The following ATP13A4 variants were observed in gnomAD, a reference collection of about 807,000 sequenced individuals.
ATP13A4 encodes probable cation-transporting ATPase 13A4.
In ATP13A4, 114 loss-of-function variants were observed where a neutral mutation model predicts 142.5. The observed-to-expected ratio is 0.80, with a 90% confidence interval of 0.69 to 0.93. ATP13A4 has a LOEUF of 0.93. Among genes scored for constraint, ATP13A4 ranks in the 40% least tolerant of loss-of-function variants. The pLI, the probability that ATP13A4 is intolerant of heterozygous loss-of-function variation, is 0.00. For missense variants in ATP13A4, 1,392 were observed against 1,454.0 expected, an observed-to-expected ratio of 0.96 and a Z score of 0.69; for synonymous variants, 488 against 514.8, an observed-to-expected ratio of 0.95 and a Z score of 0.70.
At chr3:193,539,666 C>T (rs1722776943) in intron 1 of ATP13A4, among the ~76,000 whole-genome samples, 1 of 152,186 alleles carries the variant, frequency 6.6e-6, no homozygotes, top group Non-Finnish European at 1.5e-5. Context: ...GATGGGGTTG[C>T]ACATACCTGC....
At chr3:193,452,765 GA>G (rs2108632372) in intron 17 of ATP13A4, among the ~76,000 whole-genome samples, 1 of 137,822 alleles carries the variant, frequency 7.3e-6, no homozygotes, top group Non-Finnish European at 1.5e-5. Flanking sequence ...TATTATTATA[GA>G]ATATACTGTA....
chr3:193,517,857 T>G (rs973699130), intron 1 of ATP13A4, among the ~76,000 whole-genome samples: 1 of 152,186 alleles, frequency 6.6e-6, no homozygotes, highest in East Asian at 1.9e-4. Context: ...TCCTTGCCTC[T>G]GTACAGTTTC....
chr3:193,479,029 T>A (rs1376012931), intron 8 of ATP13A4, among the ~76,000 whole-genome samples: 1 of 152,154 alleles, frequency 6.6e-6, no homozygotes, highest in African/African-American at 2.4e-5. Flanking sequence ...CATGATTATC[T>A]CAATAGATGC....
chr3:193,529,890 A>G (rs747362132), intron 1 of ATP13A4, among the ~76,000 whole-genome samples: 34 of 152,184 alleles, frequency 2.2e-4, no homozygotes, highest in Non-Finnish European at 4.7e-4. Flanking sequence ...TTTTCATATA[A>G]TAGCACCCAT....
rs557564824 is a variant in ATP13A4 at position 193,404,870 on chromosome 3, G to A, written c.3379-2006C>T. ...TGAGACATTTCTTTAAAAAAATTTC[G>A]CCACATGAGCGCTTCTGACTGGCTA... On this transcript the variant is annotated intron_variant, in intron 29 of 29. Transcript: ENST00000342695. 7.2e-5 allele frequency among the ~76,000 whole-genome samples: 11 copies of A among 152,142 alleles called. No homozygotes were observed. The South Asian group carries it at 1.5e-3, about 20-fold the overall frequency.
chr3:193,427,466 G>A (rs1241081247), intron 25 of ATP13A4, among the ~76,000 whole-genome samples: 1 of 152,114 alleles, frequency 6.6e-6, no homozygotes, highest in East Asian at 1.9e-4. Flanking sequence ...AAGTTCATAT[G>A]TAACCAAAAA....
chr3:193,536,621 T>C (rs1295815363), intron 1 of ATP13A4, among the ~76,000 whole-genome samples: 7 of 152,030 alleles, frequency 4.6e-5, no homozygotes, highest in Admixed American at 1.3e-4. Context: ...TTACTCAACA[T>C]TGTTCTAGAA....
chr3:193,453,999 C>A, intron 17 of ATP13A4, 102 bp downstream of exon 17: 2 of 983,760 alleles, frequency 2.0e-6, no homozygotes, highest in Non-Finnish European at 3.2e-6. Context: ...CTGTCCACCA[C>A]CCAGAACCCC....
chr3:193,587,979 A>G (rs548585920), intron 1 of ATP13A4, among the ~76,000 whole-genome samples: 139 of 151,448 alleles, frequency 9.2e-4, no homozygotes, highest in African/African-American at 3.1e-3. Flanking sequence ...ATATATATTT[A>G]AAAATTAGCC....
intron 2 of ATP13A4, among the ~76,000 whole-genome samples, chr3:193,573,301 A>ACT (rs1724322453): frequency 2.5e-5 from 2 of 78,984 alleles, no homozygotes; most frequent in South Asian, 4.2e-4. Context: ...ACATATATAT[A>ACT]TATATACATA....
chr3:193,545,729 G>A (rs182149989), intron 1 of ATP13A4, among the ~76,000 whole-genome samples: 121 of 152,238 alleles, frequency 7.9e-4, no homozygotes, highest in African/African-American at 2.8e-3. Flanking sequence ...CCATGGGCCT[G>A]AGGACCCTAT....
At chr3:193,462,005 T>C (rs1157375337) in intron 13 of ATP13A4, among the ~76,000 whole-genome samples, 2 of 152,152 alleles carry the variant, frequency 1.3e-5, no homozygotes, top group Non-Finnish European at 2.9e-5. Context: ...ACGGATCACC[T>C]GAGGTCAGGA....
chr3:193,407,245 C>T (rs1714542444), intron 29 of ATP13A4, 68 bp downstream of exon 29: 4 of 1,430,988 alleles, frequency 2.8e-6, no homozygotes, highest in South Asian at 2.3e-5. Flanking sequence ...TTCAGAGTCC[C>T]AAAGAAGTCC....
rs146936309 is a variant in ATP13A4 at position 193,488,523 on chromosome 3, GA to G, written c.738+1206del. 2.4e-3 allele frequency among the ~76,000 whole-genome samples: 362 copies of G among 151,880 alleles called. 2 individuals are homozygous for G. The highest frequency in any genetic ancestry group is 5.0e-3 in the South Asian group (24 of 4,798). ...GCCATATATTGCCCTTTCTGTTAAG[GA>G]AAAAAACAGCTAATTTTAAAAGAAC... On this transcript the variant is annotated intron_variant, in intron 7 of 29. Coordinates refer to ENST00000342695, the MANE Select transcript of ATP13A4 (RefSeq NM_032279.4).
chr3:193,403,742 AT>A, intron 29 of ATP13A4: 1 of 982,234 alleles, frequency 1.0e-6, no homozygotes, highest in Non-Finnish European at 1.2e-6. Context: ...TATCATATTA[AT>A]TTTCCACTTT....
At chr3:193,586,223 C>G (rs908527813) in intron 1 of ATP13A4, among the ~76,000 whole-genome samples, 21 of 152,010 alleles carry the variant, frequency 1.4e-4, no homozygotes, top group Non-Finnish European at 2.5e-4. Context: ...CCTATATATC[C>G]TGAATATAAA....
At chr3:193,457,965 G>C (rs1717733797) in intron 14 of ATP13A4, among the ~76,000 whole-genome samples, 1 of 152,208 alleles carries the variant, frequency 6.6e-6, no homozygotes. Context: ...CTAAATTATA[G>C]TCAAAGGGAC....
intron 25 of ATP13A4, among the ~76,000 whole-genome samples, chr3:193,419,451 A>G (rs1715295911): frequency 6.7e-6 from 1 of 149,768 alleles, no homozygotes; most frequent in Admixed American, 6.9e-5. Flanking sequence ...GGAAAATGGT[A>G]CTTTGGCTTC....
intron 24 of ATP13A4, 120 bp downstream of exon 24, chr3:193,435,528 G>T: frequency 1.2e-6 from 1 of 837,006 alleles, no homozygotes. Context: ...TATTTTTGGA[G>T]GGGCTGTTGT....
Sources: gnomAD v4.1 joint callset for allele counts (sites outside exome capture counted in the v4.1 genomes callset) on GRCh38, gnomAD v4.1.1 for gene constraint, MANE v1.5 for transcripts, NCBI Gene and HGNC (gene_info 2026-07-23, HGNC 2026-07-21) for gene names.